WNT7B: variants seen among roughly 807,000 people sequenced by gnomAD.
WNT7B encodes the protein Wnt family member 7B.
WNT7B carries 19 observed loss-of-function variants against 38.2 expected under a neutral mutation model. That is an observed-to-expected ratio of 0.50 (90% CI 0.35 to 0.73). The LOEUF is 0.73. WNT7B is among the 30% of genes least tolerant of loss of function. The pLI is 0.01. For synonymous variants in WNT7B, 243 were observed against 209.3 expected (o/e 1.16, Z -1.39); for missense variants, 423 against 507.9 (o/e 0.83, Z 1.61).
chr22:45,938,170 G>A (rs545319554), intron 2 of WNT7B, among the ~76,000 whole-genome samples: 12 of 152,206 alleles, frequency 7.9e-5, no homozygotes, highest in Non-Finnish European at 1.0e-4. Context: ...CATCCCTGCA[G>A]TGGCACGCAG....
At chr22:45,972,084 C>T (rs1473720309) in intron 1 of WNT7B, 4 of 556,466 alleles carry the variant, frequency 7.2e-6, no homozygotes, top group East Asian at 7.2e-5. Context: ...GTTCCCTGCC[C>T]GCCCGGTTCC....
intron 1 of WNT7B, among the ~76,000 whole-genome samples, chr22:45,957,682 CAAAAAAAAAAA>C (rs367797133): frequency 0.064 from 2,324 of 36,054 alleles, 64 homozygotes; most frequent in South Asian, 0.2. Context: ...GACTCCGTCT[CAAAAAAAAAAA>C]AAAAAAAAAA....
At chr22:45,961,342 T>C in intron 1 of WNT7B, among the ~76,000 whole-genome samples, 1 of 152,118 alleles carries the variant, frequency 6.6e-6, no homozygotes, top group East Asian at 1.9e-4. Context: ...TCACCTCTCC[T>C]TTGGCAAGTG....
chr22:45,923,665 G>A (rs761186148), intron 3 of WNT7B, among the ~76,000 whole-genome samples: 2 of 152,208 alleles, frequency 1.3e-5, no homozygotes, highest in Admixed American at 6.5e-5. Context: ...CACTGGTGAG[G>A]AAACCGAGGT....
intron 1 of WNT7B, among the ~76,000 whole-genome samples, chr22:45,954,194 C>T (rs1446329727): frequency 2.0e-5 from 3 of 151,642 alleles, no homozygotes; most frequent in South Asian, 2.1e-4. Flanking sequence ...GGCTATGAAA[C>T]GTCCGGAATA....
In WNT7B at chr22:45,949,984, G is replaced by A. The variant is rs559370484; in HGVS notation, c.234C>T (p.Arg78=). 1 of 1,613,902 alleles carries A rather than the reference G, an allele frequency of 6.2e-7. No homozygotes were observed. Among genetic ancestry groups the A allele is most frequent in the South Asian group, 1.1e-5 (1 of 91,088 alleles). ...GGGCAGAGCAGTTCCAGCGTCCGAAGCGGAACTGGTACTGGCACTCGTTGA... is the reference window on the plus strand; with the variant it reads ...GGGCAGAGCAGTTCCAGCGTCCGAAACGGAACTGGTACTGGCACTCGTTGA... ...MGINECQYQF[R]FGRWNCSALG... Residue 78 remains arginine (R), a synonymous_variant, in exon 2 of 4, where the codon CGC becomes CGT. Transcript: ENST00000339464.
chr22:45,947,582 G>A (rs983737285), intron 2 of WNT7B, among the ~76,000 whole-genome samples: 4 of 152,198 alleles, frequency 2.6e-5, no homozygotes, highest in East Asian at 1.9e-4. Flanking sequence ...AGGGCAGAGC[G>A]GGGCGAGGGG....
rs773424806 is a variant in WNT7B, at chr22:45,931,090, C to T, written c.570+8G>A. ...CTACGGCCCCCACCAGCCGCACCCG[C>T]ACCCTACCTTCCTGCCGGCCTCATT... On this transcript the variant is annotated splice_region_variant and intron_variant, in intron 3 of 3. Transcript: ENST00000339464. 3.2e-6 allele frequency: 5 copies of T among 1,566,666 alleles called. No individual in the cohort carries two copies. The highest frequency in any genetic ancestry group is 4.3e-6 in the Non-Finnish European group (5 of 1,156,498).
At chr22:45,936,090 A>G (rs1931507678) in intron 2 of WNT7B, 1 of 985,264 alleles carries the variant, frequency 1.0e-6, no homozygotes, top group Non-Finnish European at 1.2e-6. Context: ...CTCACCCCAC[A>G]GCCCTCAAGA....
At chr22:45,948,453 C>T (rs1312493327) in intron 2 of WNT7B, among the ~76,000 whole-genome samples, 1 of 152,256 alleles carries the variant, frequency 6.6e-6, no homozygotes, top group Non-Finnish European at 1.5e-5. Context: ...CCCAGCCCCA[C>T]ACCAGCGTTC....
At chr22:45,926,145 G>T in intron 3 of WNT7B, 1 of 985,432 alleles carries the variant, frequency 1.0e-6, no homozygotes, top group Non-Finnish European at 1.2e-6. Flanking sequence ...CGCTTGGCTG[G>T]ATCCCTTGGG....
rs776866320 is a variant in WNT7B, at chr22:45,931,088, C to A, written c.570+10G>T. The A allele has an allele frequency of 6.4e-7, 1 of 1,564,118 alleles. No individual in the cohort carries two copies. ...AGCTACGGCCCCCACCAGCCGCACCCGCACCCTACCTTCCTGCCGGCCTCA... is the reference window on the plus strand; with the variant it reads ...AGCTACGGCCCCCACCAGCCGCACCAGCACCCTACCTTCCTGCCGGCCTCA... On this transcript the variant is annotated intron_variant, in intron 3 of 3. Coordinates refer to ENST00000339464, the MANE Select transcript of WNT7B (RefSeq NM_058238.3).
At chr22:45,930,452 G>C (rs28544005) in intron 3 of WNT7B, among the ~76,000 whole-genome samples, 3 of 152,236 alleles carry the variant, frequency 2.0e-5, no homozygotes, top group Admixed American at 6.5e-5. Context: ...CCATCTTGCC[G>C]CCGTGCAGCT....
intron 3 of WNT7B, among the ~76,000 whole-genome samples, chr22:45,930,398 G>A (rs375880060): frequency 2.7e-5 from 4 of 148,268 alleles, no homozygotes; most frequent in South Asian, 2.1e-4. Flanking sequence ...CCTCGGAGCC[G>A]GAGCCGGCTG....
At chr22:45,956,530 C>T (rs1932066419) in intron 1 of WNT7B, among the ~76,000 whole-genome samples, 3 of 152,248 alleles carry the variant, frequency 2.0e-5, no homozygotes, top group African/African-American at 7.2e-5. Context: ...ACCGATGGGT[C>T]CACGCCCACA....
At chr22:45,927,982 G>A (rs367628931) in intron 3 of WNT7B, among the ~76,000 whole-genome samples, 24 of 152,334 alleles carry the variant, frequency 1.6e-4, no homozygotes, top group Admixed American at 5.2e-4. Context: ...TGGCCACAGC[G>A]GAGGAACACT....
At chr22:45,940,934 T>G (rs915434139) in intron 2 of WNT7B, among the ~76,000 whole-genome samples, 1 of 152,108 alleles carries the variant, frequency 6.6e-6, no homozygotes, top group Admixed American at 6.5e-5. Flanking sequence ...CAGAGATCAG[T>G]GATGATGAAG....
rs1300572798 is a variant in WNT7B at position 45,976,951 on chromosome 22, G to T, written c.-197C>A. On this transcript the variant is annotated 5_prime_UTR_variant, in exon 1 of 4. Transcript: ENST00000339464. This position sits in a 1 kb window ranked among gnomAD's most constrained non-coding sequence, Gnocchi z 8.5. ...CCGGGATGCCGCCGCCGCCACCGCCGCGTGAGCCCGGGGAATTGACCCAGG... is the reference window on the plus strand; with the variant it reads ...CCGGGATGCCGCCGCCGCCACCGCCTCGTGAGCCCGGGGAATTGACCCAGG... The T allele has an allele frequency of 1.0e-6, 1 of 988,298 alleles. No individual in the cohort carries two copies. Among genetic ancestry groups the T allele is most frequent in the Non-Finnish European group, 1.2e-6 (1 of 832,440 alleles). The allele number at this position is 988,298 out of a possible 1,614,324, so 61.2% of individuals were successfully genotyped here.
chr22:45,922,541 G>T lies in WNT7B; in HGVS notation c.*315C>A. 2.6e-6 allele frequency: 1 copy of T among 379,354 alleles called. No individual in the cohort carries two copies. Among genetic ancestry groups the T allele is most frequent in the Non-Finnish European group, 4.8e-6 (1 of 207,572 alleles). The allele number at this position is 379,354 out of a possible 1,614,324, so 23.5% of individuals were successfully genotyped here. ...TCTGGGATACAGGTGTGTCCTGGAC[G>T]TTCATTTTCCCAGAGAGAAGAAAGA... On this transcript the variant is annotated 3_prime_UTR_variant, in exon 4 of 4. Coordinates refer to ENST00000339464, the MANE Select transcript of WNT7B (RefSeq NM_058238.3).
Sources: allele counts gnomAD v4.1 joint callset (sites outside exome capture counted in the v4.1 genomes callset), GRCh38; gene constraint gnomAD v4.1.1; non-coding constraint Gnocchi (gnomAD v3.1); transcripts MANE v1.5; gene names NCBI Gene and HGNC (gene_info 2026-07-23, HGNC 2026-07-21).